Variants in SLC14A2 observed in about 807,000 individuals in gnomAD.
SLC14A2 encodes solute carrier family 14 member 2.
Under a neutral mutation model 104.6 loss-of-function variants are expected in SLC14A2, and 91 were observed. That is an observed-to-expected ratio of 0.87 (90% confidence interval 0.73 to 1.04). The LOEUF (loss-of-function observed/expected upper bound fraction) is 1.04, where lower values mean the gene tolerates loss of function less well. SLC14A2 is among the 50% of genes least tolerant of loss of function. The probability of loss-of-function intolerance (pLI) is 0.00; values close to 1 mark genes in which losing one functional copy is unlikely to be tolerated. For missense variants in SLC14A2, 1,189 were observed against 1,156.0 expected (o/e 1.03, Z -0.41); for synonymous variants, 476 against 466.4 (o/e 1.02, Z -0.27).
chr18:45,614,016 A>G (rs2045018101), upstream of SLC14A2, among the ~76,000 whole-genome samples: 1 of 152,230 alleles, frequency 6.6e-6, no homozygotes. Flanking sequence ...ACTTTGCAGC[A>G]ACCCTACCAT....
At chr18:45,488,214 C>T (rs927917038) in intron 2 of SLC14A2, among the ~76,000 whole-genome samples, 1 of 152,100 alleles carries the variant, frequency 6.6e-6, no homozygotes, top group Non-Finnish European at 1.5e-5. Context: ...GCAGGGATAA[C>T]GTGAGCATGG....
At chr18:45,405,896 CG>C (rs1555683080) in intron 1 of SLC14A2, among the ~76,000 whole-genome samples, 1 of 73,950 alleles carries the variant, frequency 1.4e-5, no homozygotes, top group African/African-American at 4.8e-5. Context: ...GACTCCATCT[CG>C]AAAAAAAAAA....
At chr18:45,571,654 G>A (rs372629773) in intron 2 of SLC14A2, among the ~76,000 whole-genome samples, 7 of 152,242 alleles carry the variant, frequency 4.6e-5, no homozygotes, top group Middle Eastern at 3.4e-3. Flanking sequence ...CCACTGCTCC[G>A]CTCAACGGGG....
At chr18:45,292,059 G>C (rs1302420075) in intron 1 of SLC14A2, among the ~76,000 whole-genome samples, 1 of 152,130 alleles carries the variant, frequency 6.6e-6, no homozygotes, top group Non-Finnish European at 1.5e-5. Context: ...CACTGTATTA[G>C]AGCATTTTTT....
intron 1 of SLC14A2, among the ~76,000 whole-genome samples, chr18:45,218,060 AG>A (rs1328038061): frequency 9.9e-5 from 15 of 152,224 alleles, no homozygotes; most frequent in Admixed American, 5.9e-4. Flanking sequence ...ACGATCTTTA[AG>A]TGTACAGTTC....
intron 1 of SLC14A2, among the ~76,000 whole-genome samples, chr18:45,454,221 T>C (rs1541618): frequency 0.099 from 15,045 of 152,236 alleles, 995 homozygotes; most frequent in Non-Finnish European, 0.14. Flanking sequence ...GAATCCACAA[T>C]GAAACATTCT....
chr18:45,666,051 A>C (rs1433773550), intron 11 of SLC14A2, 86 bp from the exon 12 acceptor site: 8 of 902,342 alleles, frequency 8.9e-6, no homozygotes, highest in Non-Finnish European at 1.5e-5. Flanking sequence ...TAATCTTAAC[A>C]CCTCTTGAGC....
chr18:45,398,708 A>G (rs763578622), intron 1 of SLC14A2, among the ~76,000 whole-genome samples: 6 of 152,212 alleles, frequency 3.9e-5, no homozygotes, highest in Non-Finnish European at 8.8e-5. Flanking sequence ...CCCCAAAAGG[A>G]TAAGTGCTAT....
At chr18:45,286,869 AT>A (rs1259333925) in intron 1 of SLC14A2, among the ~76,000 whole-genome samples, 2 of 152,192 alleles carry the variant, frequency 1.3e-5, no homozygotes, top group Non-Finnish European at 2.9e-5. Context: ...GGCTCCCCAT[AT>A]GTGAACCTGT....
In SLC14A2 at chr18:45,265,599, G is replaced by A. The variant is rs911199556; in HGVS notation, c.-125+52408G>A. 6.6e-5 allele frequency among the ~76,000 whole-genome samples: 10 copies of A among 152,278 alleles called. No homozygotes were observed. In the East Asian group the frequency reaches 1.9e-3, roughly 29 times the overall value. On this transcript the variant is annotated intron_variant, in intron 1 of 20. Transcript: ENST00000586448. ...AGCACCATCAGAGACTGCAAAACCT[G>A]CACATGAATAACAGATTCTGTCATA...
At chr18:45,396,306 GTAAAATAAA>G (rs2086029904) in intron 1 of SLC14A2, among the ~76,000 whole-genome samples, 1 of 152,086 alleles carries the variant, frequency 6.6e-6, no homozygotes, top group African/African-American at 2.4e-5. Flanking sequence ...CAAGCTATTG[GTAAAATAAA>G]ACTGCTGAGC....
chr18:45,578,108 G>A (rs568022837), intron 2 of SLC14A2, among the ~76,000 whole-genome samples: 1 of 152,180 alleles, frequency 6.6e-6, no homozygotes, highest in Non-Finnish European at 1.5e-5. Flanking sequence ...CCATTTCCCT[G>A]TCTGAAAGGC....
At chr18:45,256,780 G>C (rs1381599734) in intron 1 of SLC14A2, among the ~76,000 whole-genome samples, 4 of 152,156 alleles carry the variant, frequency 2.6e-5, no homozygotes, top group Non-Finnish European at 2.9e-5. Context: ...TATTTTTCTT[G>C]ACTGTGTTGG....
chr18:45,541,324 T>C (rs9949798), intron 2 of SLC14A2, among the ~76,000 whole-genome samples: 1,732 of 152,316 alleles, frequency 0.011, 29 homozygotes, highest in African/African-American at 0.039. Context: ...CATGGCCCCT[T>C]TGCTCCTTTA....
At chr18:45,424,613 AAGG>A (rs2086398085) in intron 1 of SLC14A2, among the ~76,000 whole-genome samples, 1 of 152,268 alleles carries the variant, frequency 6.6e-6, no homozygotes. Context: ...TTGCTCATCA[AAGG>A]AGAGCCATTT....
At chr18:45,192,785 T>G in the SLC14A2 span, among the ~76,000 whole-genome samples, 1 of 152,190 alleles carries the variant, frequency 6.6e-6, no homozygotes, top group South Asian at 2.1e-4. Flanking sequence ...GCCTCCCGAG[T>G]AGCTGGGACT....
At chr18:45,229,131 C>G (rs2084149335) in intron 1 of SLC14A2, among the ~76,000 whole-genome samples, 1 of 152,174 alleles carries the variant, frequency 6.6e-6, no homozygotes, top group African/African-American at 2.4e-5. Flanking sequence ...CAGACAAGCA[C>G]ACATCCTCAA....
intron 10 of SLC14A2, chr18:45,647,143 G>A (rs902965509): frequency 6.6e-6 from 1 of 152,140 alleles, no homozygotes; most frequent in Non-Finnish European, 1.5e-5. Context: ...AGCCATGACA[G>A]TCTTGTCCTG....
At chr18:45,414,637 T>C in intron 1 of SLC14A2, among the ~76,000 whole-genome samples, 1 of 151,094 alleles carries the variant, frequency 6.6e-6, no homozygotes, top group East Asian at 1.9e-4. Flanking sequence ...CAATCCACTT[T>C]TTCAGAGGAA....
Sources: gnomAD v4.1 joint callset for allele counts (sites outside exome capture counted in the v4.1 genomes callset) on GRCh38, gnomAD v4.1.1 for gene constraint, MANE v1.5 for transcripts, NCBI Gene and HGNC (gene_info 2026-07-23, HGNC 2026-07-21) for gene names.